Variants in SPATA16 observed in about 807,000 individuals in gnomAD.
SPATA16 encodes the protein spermatogenesis associated 16, also known as spermatogenesis-associated protein 16.
SPATA16 carries 36 observed loss-of-function variants against 63.3 expected under a neutral mutation model. That is an observed-to-expected ratio of 0.57 (90% CI 0.44 to 0.75). SPATA16 has a LOEUF of 0.75. Among genes scored for constraint, SPATA16 ranks in the 30% least tolerant of loss-of-function variants. SPATA16 has a pLI of 0.00. For synonymous variants in SPATA16, 203 were observed against 216.7 expected (o/e 0.94, Z 0.56); for missense variants, 646 against 679.3 (o/e 0.95, Z 0.54).
At chr3:172,950,876 T>C (rs1052677986) in intron 6 of SPATA16, among the ~76,000 whole-genome samples, 1 of 152,076 alleles carries the variant, frequency 6.6e-6, no homozygotes, top group African/African-American at 2.4e-5. Flanking sequence ...TATTAAACAT[T>C]ACTAACCACA....
rs143013876 is a variant in SPATA16 at position 173,076,197 on chromosome 3, G to A, written c.613-27103C>T. Among the ~76,000 whole-genome samples, 89 of 152,138 alleles carry A rather than the reference G, an allele frequency of 5.8e-4. 1 individual carries two copies. The East Asian group carries it at 0.017, about 29-fold the overall frequency. On this transcript the variant is annotated intron_variant, in intron 2 of 10. Coordinates refer to ENST00000351008, the MANE Select transcript of SPATA16 (RefSeq NM_031955.6). ...TTACCCATGTTACTTTTAAGTTCGC[G>A]AAATCAGGCATGTCTCGCTATCTTT...
chr3:173,081,969 CTT>C (rs1008803942), intron 2 of SPATA16, among the ~76,000 whole-genome samples: 1 of 152,116 alleles, frequency 6.6e-6, no homozygotes, highest in Non-Finnish European at 1.5e-5. Context: ...ATTTTTGACA[CTT>C]ATTAAGATGA....
At chr3:172,908,283 C>T (rs917034092) in intron 10 of SPATA16, among the ~76,000 whole-genome samples, 4 of 152,054 alleles carry the variant, frequency 2.6e-5, no homozygotes, top group Admixed American at 1.3e-4. Flanking sequence ...GCTGTGGCAG[C>T]GGACTTTCCA....
intron 2 of SPATA16, among the ~76,000 whole-genome samples, chr3:173,078,883 T>G (rs1736863802): frequency 1.3e-5 from 2 of 152,166 alleles, no homozygotes; most frequent in South Asian, 4.1e-4. Context: ...GCTTTCTGTA[T>G]TAGTCTTTGG....
intron 5 of SPATA16, among the ~76,000 whole-genome samples, chr3:172,966,304 C>A (rs558364999): frequency 6.6e-6 from 1 of 152,172 alleles, no homozygotes; most frequent in African/African-American, 2.4e-5. Context: ...TACAGCAGGC[C>A]AACCTCCACC....
chr3:172,950,380 C>A (rs2109617439), intron 6 of SPATA16, among the ~76,000 whole-genome samples: 1 of 152,246 alleles, frequency 6.6e-6, no homozygotes, highest in Non-Finnish European at 1.5e-5. Flanking sequence ...TGAGGGATTT[C>A]TTTACCTTGG....
At chr3:173,056,644 C>T (rs908855886) in intron 2 of SPATA16, among the ~76,000 whole-genome samples, 10 of 132,088 alleles carry the variant, frequency 7.6e-5, no homozygotes, top group African/African-American at 3.0e-4. Context: ...GCGGAGGTTG[C>T]AGTAAGCCGA....
chr3:173,028,802 C>T (rs748639297), intron 3 of SPATA16, among the ~76,000 whole-genome samples: 3 of 151,948 alleles, frequency 2.0e-5, no homozygotes, highest in Non-Finnish European at 4.4e-5. Flanking sequence ...GTGCCTTCAC[C>T]ATATAGTCCC....
At chr3:173,000,107 C>T (rs992752623) in intron 4 of SPATA16, among the ~76,000 whole-genome samples, 15 of 152,152 alleles carry the variant, frequency 9.9e-5, no homozygotes, top group Non-Finnish European at 1.6e-4. Flanking sequence ...GAGGGCTTCA[C>T]GCTCCAGAAT....
intron 8 of SPATA16, among the ~76,000 whole-genome samples, chr3:172,917,882 G>A (rs1732530707): frequency 6.6e-6 from 1 of 152,196 alleles, no homozygotes; most frequent in African/African-American, 2.4e-5. Context: ...CTGACTGACA[G>A]CAACCTCTGG....
At chr3:173,115,889 T>A (rs1737884226) in intron 2 of SPATA16, among the ~76,000 whole-genome samples, 1 of 116,574 alleles carries the variant, frequency 8.6e-6, no homozygotes, top group African/African-American at 3.5e-5. Flanking sequence ...TTGTGGGCAT[T>A]TTTTTTTTCT....
chr3:172,890,328 C>A (rs937643286), intron 10 of SPATA16, among the ~76,000 whole-genome samples: 2 of 151,542 alleles, frequency 1.3e-5, no homozygotes, highest in African/African-American at 4.8e-5. Context: ...TATTCAATGG[C>A]AGTTGATAGA....
intron 4 of SPATA16, among the ~76,000 whole-genome samples, chr3:172,990,131 C>T (rs899007636): frequency 6.6e-6 from 1 of 152,164 alleles, no homozygotes; most frequent in African/African-American, 2.4e-5. Context: ...GGGATCATGT[C>T]TTACTTATTA....
At chr3:173,116,044 C>T (rs1737891068) in intron 2 of SPATA16, among the ~76,000 whole-genome samples, 1 of 152,050 alleles carries the variant, frequency 6.6e-6, no homozygotes, top group Admixed American at 6.6e-5. Context: ...TAGATGTGTG[C>T]CACTATGCCT....
chr3:172,922,938 A>G (rs1386692280), intron 8 of SPATA16, among the ~76,000 whole-genome samples: 1 of 152,034 alleles, frequency 6.6e-6, no homozygotes, highest in African/African-American at 2.4e-5. Context: ...CAAAAAACAA[A>G]AAACAAACAA....
chr3:172,918,495 C>CA (rs1284833706), intron 8 of SPATA16, among the ~76,000 whole-genome samples: 1 of 151,966 alleles, frequency 6.6e-6, no homozygotes, highest in Non-Finnish European at 1.5e-5. Context: ...CCCCCGAAGC[C>CA]AAATGCAGTT....
At chr3:173,103,647 G>T (rs1272339561) in intron 2 of SPATA16, among the ~76,000 whole-genome samples, 1 of 152,224 alleles carries the variant, frequency 6.6e-6, no homozygotes, top group African/African-American at 2.4e-5. Context: ...CTGGCTCTAG[G>T]ACATGAAACC....
chr3:172,949,026 C>A (rs1391843997), intron 6 of SPATA16, among the ~76,000 whole-genome samples: 1 of 151,992 alleles, frequency 6.6e-6, no homozygotes, highest in African/African-American at 2.4e-5. Flanking sequence ...TTACTCTGAA[C>A]TTTAGGACAT....
intron 4 of SPATA16, among the ~76,000 whole-genome samples, chr3:172,991,502 T>G (rs1008384267): frequency 1.3e-5 from 2 of 152,176 alleles, no homozygotes; most frequent in African/African-American, 2.4e-5. Flanking sequence ...GATATATATT[T>G]TCTTAGAGAT....
Sources: gnomAD v4.1 joint callset for allele counts (sites outside exome capture counted in the v4.1 genomes callset) on GRCh38, gnomAD v4.1.1 for gene constraint, MANE v1.5 for transcripts, NCBI Gene and HGNC (gene_info 2026-07-23, HGNC 2026-07-21) for gene names.